Variants in NUP42 observed in about 807,000 individuals in gnomAD.
NUP42 encodes the protein nucleoporin 42, also known as nucleoporin NUP42.
Under a neutral mutation model 35.9 loss-of-function variants are expected in NUP42, and 47 were observed. The ratio of observed to expected loss-of-function variants is 1.31; its 90% CI spans 1.04 to 1.67. The LOEUF is 1.67. Among genes scored for constraint, NUP42 ranks in the 40% most tolerant of loss-of-function variants. The probability of loss-of-function intolerance (pLI) is 0.00; values close to 1 mark genes in which losing one functional copy is unlikely to be tolerated. For synonymous variants in NUP42, 173 were observed against 173.3 expected (o/e 1.00, Z 0.01); for missense variants, 514 against 492.2 (o/e 1.04, Z -0.42).
At chr7:23,193,600 T>A (rs6969563) in intron 3 of NUP42, among the ~76,000 whole-genome samples, 54,585 of 152,054 alleles carry the variant, frequency 0.36, 10,149 homozygotes, top group African/African-American at 0.44. Flanking sequence ...TTGGTGTATT[T>A]ACAATCCCCT....
rs60397960 is a variant in NUP42, at chr7:23,182,742, CAAAAAA to C, written c.121+554_121+559del. Among the ~76,000 whole-genome samples, 24 of 74,140 alleles carry C rather than the reference CAAAAAA, an allele frequency of 3.2e-4. No individual in the cohort carries two copies. The South Asian group carries it at 4.6e-3, about 14-fold the overall frequency. The allele number at this position is 74,140 out of a possible 152,430, so 48.6% of individuals were successfully genotyped here. ...GAAACACCGTCTTTACTAAAAATAC[CAAAAAA>C]AAAAAAAAAAAAAAAAATAGCCGGG... is the stretch of plus-strand genomic sequence containing the variant. On this transcript the variant is annotated intron_variant, in intron 1 of 6. Coordinates refer to ENST00000258742, the MANE Select transcript of NUP42 (RefSeq NM_007342.3).
chr7:23,188,001 T>G (rs1384301687), intron 3 of NUP42: 4 of 1,009,130 alleles, frequency 4.0e-6, no homozygotes, highest in South Asian at 1.7e-5. Context: ...TCTTTTTTTA[T>G]TTTTTATTTT....
intron 3 of NUP42, among the ~76,000 whole-genome samples, chr7:23,192,124 T>C (rs930273016): frequency 6.6e-6 from 1 of 152,180 alleles, no homozygotes; most frequent in African/African-American, 2.4e-5. Context: ...ATGTATACAA[T>C]TGACCCTTGA....
rs1202393464 is a variant in NUP42, at chr7:23,182,134, C to T, written c.49C>T (p.Arg17Trp). ...TCAAGGCCGGTGCCGCTTTGGAGATCGGTGCTGGAACGAACATCCCGGTGC... is the reference window on the plus strand; with the variant it reads ...TCAAGGCCGGTGCCGCTTTGGAGATTGGTGCTGGAACGAACATCCCGGTGC... The part of the protein sequence containing the change: ...FLQGRCRFGD[R>W]CWNEHPGARG... The change falls in exon 1 of 7, where the codon CGG becomes TGG. Residue 17 changes from arginine (R) to tryptophan (W), a missense_variant. Coordinates refer to ENST00000258742, the MANE Select transcript of NUP42 (RefSeq NM_007342.3). 2 of 1,614,086 alleles carry T rather than the reference C, an allele frequency of 1.2e-6. No individual in the cohort carries two copies. The highest frequency in any genetic ancestry group is 1.7e-6 in the Non-Finnish European group (2 of 1,180,042).
chr7:23,192,360 GT>G (rs962067583), intron 3 of NUP42, among the ~76,000 whole-genome samples: 4 of 151,900 alleles, frequency 2.6e-5, no homozygotes, highest in Admixed American at 2.6e-4. Flanking sequence ...CCTGGCCAAT[GT>G]GGTGAAACCC....
At chr7:23,182,387 G>A (rs1671782422) in intron 1 of NUP42, 181 bp downstream of exon 1, 3 of 1,407,734 alleles carry the variant, frequency 2.1e-6, no homozygotes, top group Non-Finnish European at 1.8e-6. Context: ...TATTATTCAT[G>A]TGGTCCGTTT....
rs767080663 is a variant in NUP42, at chr7:23,182,223, T to G, written c.121+17T>G. The G allele has an allele frequency of 5.6e-6, 9 of 1,593,190 alleles. No individual in the cohort carries two copies. Among genetic ancestry groups the G allele is most frequent in the Non-Finnish European group, 7.7e-6 (9 of 1,169,888 alleles). ...AGCCTTCAGGTGACTCTCCTCTGAA[T>G]CCTCCGCGGTAACCGAGCCGGGAAG... is the stretch of plus-strand genomic sequence containing the variant. On this transcript the variant is annotated intron_variant, in intron 1 of 6. Transcript: ENST00000258742.
At chr7:23,199,006 C>T (rs1249414149) in intron 5 of NUP42, among the ~76,000 whole-genome samples, 4 of 152,126 alleles carry the variant, frequency 2.6e-5, no homozygotes, top group African/African-American at 9.7e-5. Context: ...ATTCATATTA[C>T]TAGTTGTGAT....
chr7:23,186,576 T>A (rs1274467087), intron 2 of NUP42, among the ~76,000 whole-genome samples: 1 of 152,228 alleles, frequency 6.6e-6, no homozygotes, highest in African/African-American at 2.4e-5. Context: ...TTTTAAAATA[T>A]TATGATTCTG....
At chr7:23,188,480 C>G (rs1417549317) in intron 3 of NUP42, 1 of 985,180 alleles carries the variant, frequency 1.0e-6, no homozygotes, top group South Asian at 4.7e-5. Context: ...GAGTATTAAT[C>G]CATTCCAAAT....
intron 3 of NUP42, among the ~76,000 whole-genome samples, chr7:23,187,797 G>T (rs1482307849): frequency 6.6e-6 from 1 of 151,088 alleles, no homozygotes; most frequent in Non-Finnish European, 1.5e-5. Context: ...CTAGAGACGG[G>T]GTTTTACCAT....
At chr7:23,191,903 G>C (rs559137768) in intron 3 of NUP42, among the ~76,000 whole-genome samples, 4 of 152,288 alleles carry the variant, frequency 2.6e-5, no homozygotes, top group South Asian at 4.1e-4. Context: ...AGGAAGTCAA[G>C]GCGGCAGTGA....
chr7:23,186,964 AT>A (rs1785614938), intron 2 of NUP42, 87 bp from the exon 3 acceptor site: 1 of 876,004 alleles, frequency 1.1e-6, no homozygotes, highest in Admixed American at 2.4e-5. Context: ...TAGAATTTAA[AT>A]TTTCAGTTGT....
intron 3 of NUP42, 192 bp downstream of exon 3, chr7:23,187,338 A>C: frequency 2.1e-6 from 1 of 476,950 alleles, no homozygotes; most frequent in Non-Finnish European, 3.7e-6. Flanking sequence ...ATAGTCTTTT[A>C]AGACATATAG....
intron 4 of NUP42, 56 bp downstream of exon 4, chr7:23,195,971 T>C: frequency 9.0e-7 from 1 of 1,109,658 alleles, no homozygotes; most frequent in Non-Finnish European, 1.3e-6. Context: ...TAATTACTGC[T>C]TTCTTTATCG....
chr7:23,197,166 TAAACAG>T (rs1258912904), intron 5 of NUP42: 1 of 1,286,178 alleles, frequency 7.8e-7, no homozygotes, highest in Non-Finnish European at 1.0e-6. Context: ...TTCCTTGTCT[TAAACAG>T]AAATGCCTTT....
At chr7:23,193,322 C>T (rs746162557) in intron 3 of NUP42, among the ~76,000 whole-genome samples, 2 of 152,194 alleles carry the variant, frequency 1.3e-5, no homozygotes, top group Non-Finnish European at 2.9e-5. Flanking sequence ...GCCCCACCCA[C>T]ATCGTGCTGA....
rs760411677 is a variant in NUP42 at position 23,199,476 on chromosome 7, G to A, written c.628G>A (p.Gly210Arg). The A allele has an allele frequency of 1.2e-6, 2 of 1,613,968 alleles. No homozygotes were observed. The highest frequency in any genetic ancestry group is 1.7e-6 in the Non-Finnish European group (2 of 1,179,926). Reference protein sequence around the residue: ...KVALLSDVKDGVNQAAPAFGF... With the variant: ...KVALLSDVKDRVNQAAPAFGF... ...TTTTCAGCTCTCTGATGTAAAGGAT[G>A]GAGTAAATCAAGCAGCACCTGCATT... Residue 210 changes from glycine to arginine, a missense_variant, in exon 6 of 7, where the codon GGA (glycine) becomes AGA (arginine). Coordinates refer to ENST00000258742, the MANE Select transcript of NUP42 (RefSeq NM_007342.3).
chr7:23,195,263 C>T (rs558953185), intron 3 of NUP42: 5 of 152,292 alleles, frequency 3.3e-5, no homozygotes, highest in African/African-American at 1.2e-4. Context: ...ACAGTAAATA[C>T]CAGCTTTTAA....
Sources: gnomAD v4.1 joint callset for allele counts (sites outside exome capture counted in the v4.1 genomes callset) on GRCh38, gnomAD v4.1.1 for gene constraint, MANE v1.5 for transcripts, NCBI Gene and HGNC (gene_info 2026-07-23, HGNC 2026-07-21) for gene names.